RBFOX1: variants seen among roughly 807,000 people sequenced by gnomAD.
The protein encoded by RBFOX1 is RNA binding fox-1 homolog 1.
A neutral mutation model predicts 57.7 loss-of-function variants in RBFOX1; 8 were observed. The observed-to-expected ratio is 0.14, with a 90% CI of 0.08 to 0.25. The LOEUF is 0.25. RBFOX1 is among the 10% of genes least tolerant of loss of function. The pLI is 1.00. For synonymous variants in RBFOX1, 326 were observed against 222.4 expected, an observed-to-expected ratio of 1.47 and a Z score of -4.15; for missense variants, 611 against 548.5, an observed-to-expected ratio of 1.11 and a Z score of -1.14.
Position 7,179,335 on chromosome 16 carries a change from C to G in RBFOX1, c.27+127237C>G, listed in dbSNP as rs143984717. On this transcript the variant is annotated intron_variant, in intron 4 of 15. Coordinates refer to ENST00000550418, the MANE Select transcript of RBFOX1 (RefSeq NM_018723.4). ...TCAAACATTCTCAAAGCACCGCTTT[C>G]CCCTTACCCCTTACCTAAGAGAACA... Among the ~76,000 whole-genome samples, 926 of 152,072 alleles carry G rather than the reference C, an allele frequency of 6.1e-3. 10 individuals carry two copies. Among genetic ancestry groups the G allele is most frequent in the South Asian group, 0.028 (136 of 4,796 alleles).
intron 2 of RBFOX1, among the ~76,000 whole-genome samples, chr16:6,357,235 A>G (rs2087506320): frequency 6.6e-6 from 1 of 152,114 alleles, no homozygotes; most frequent in Admixed American, 6.5e-5. Context: ...CCTTCGTGCT[A>G]GAGTCTGGGT....
chr16:7,151,623 T>A (rs1459402484), intron 4 of RBFOX1, among the ~76,000 whole-genome samples: 2 of 152,180 alleles, frequency 1.3e-5, no homozygotes, highest in African/African-American at 4.8e-5. Flanking sequence ...CAGGATGATT[T>A]AAGTCCTTTA....
At chr16:5,340,344 G>T (rs1353285650) in intron 1 of RBFOX1, among the ~76,000 whole-genome samples, 3 of 152,136 alleles carry the variant, frequency 2.0e-5, no homozygotes, top group Non-Finnish European at 4.4e-5. Flanking sequence ...TTAGTATATT[G>T]GTGCCATAAT....
intron 1 of RBFOX1, among the ~76,000 whole-genome samples, chr16:6,125,783 C>G (rs1381471628): frequency 1.3e-5 from 2 of 152,120 alleles, no homozygotes; most frequent in African/African-American, 4.8e-5. Flanking sequence ...GATGTTCTCA[C>G]AGATCAGTGG....
At chr16:5,401,923 G>A (rs907477909) in intron 1 of RBFOX1, among the ~76,000 whole-genome samples, 2 of 151,984 alleles carry the variant, frequency 1.3e-5, no homozygotes, top group Admixed American at 6.6e-5. Flanking sequence ...CTGCTGTTGG[G>A]AATAGAATTC....
intron 1 of RBFOX1, among the ~76,000 whole-genome samples, chr16:6,119,014 GTT>G (rs35604110): frequency 7.0e-6 from 1 of 142,218 alleles, no homozygotes; most frequent in Non-Finnish European, 1.5e-5. Flanking sequence ...AATTCCTCAG[GTT>G]TTTTTTTTTT....
At chr16:7,034,074 C>T (rs571955761) in intron 3 of RBFOX1, among the ~76,000 whole-genome samples, 23 of 152,230 alleles carry the variant, frequency 1.5e-4, no homozygotes, top group African/African-American at 3.9e-4. Context: ...GATGGGGACG[C>T]GGTGGTGCAG....
chr16:7,441,861 G>C (rs2098770367), intron 4 of RBFOX1, among the ~76,000 whole-genome samples: 1 of 152,138 alleles, frequency 6.6e-6, no homozygotes, highest in Admixed American at 6.5e-5. Context: ...GCTGTCACAG[G>C]CATTTGCCTC....
intron 4 of RBFOX1, among the ~76,000 whole-genome samples, chr16:7,202,759 T>C (rs1184720896): frequency 2.6e-5 from 4 of 152,168 alleles, no homozygotes; most frequent in Non-Finnish European, 5.9e-5. Flanking sequence ...TGCCTGATGA[T>C]CTGAAGTGGG....
At chr16:7,516,298 A>G (rs971536362) in intron 4 of RBFOX1, among the ~76,000 whole-genome samples, 3 of 152,086 alleles carry the variant, frequency 2.0e-5, no homozygotes. Flanking sequence ...CGGACTCACT[A>G]GATAGATGTG....
At position 5,435,243 on chromosome 16, in the gene RBFOX1, A is replaced by G. The variant is rs543081650; in HGVS notation, c.220-31973A>G. Among the ~76,000 whole-genome samples the G allele has an allele frequency of 2.0e-5, 3 of 152,292 alleles. No homozygotes were observed. The South Asian group carries it at 6.2e-4, about 32-fold the overall frequency. ...GCTTCTCCATATGCGTCTATGAAGA[A>G]AAGGTTAAACTGATATGTGCAAACA... On this transcript the variant is annotated intron_variant, in intron 1 of 2. Transcript: ENST00000585867.
chr16:6,655,373 CAAAAAAAAAAAAAAAAAA>C (rs71406388), intron 3 of RBFOX1, among the ~76,000 whole-genome samples: 18 of 33,736 alleles, frequency 5.3e-4, no homozygotes, highest in Non-Finnish European at 6.2e-4. Context: ...GCCTCCGTTT[CAAAAAAAAAAAAAAAAAA>C]AAAAAAAAAA....
At chr16:6,756,583 A>G (rs1192769234) in intron 3 of RBFOX1, among the ~76,000 whole-genome samples, 10 of 152,222 alleles carry the variant, frequency 6.6e-5, no homozygotes, top group Admixed American at 6.5e-4. Flanking sequence ...CATATCCAGA[A>G]TATATGACAA....
intron 1 of RBFOX1, among the ~76,000 whole-genome samples, chr16:6,258,307 A>G (rs2097681176): frequency 6.6e-6 from 1 of 151,882 alleles, no homozygotes; most frequent in African/African-American, 2.4e-5. Context: ...TTGAAGCTAC[A>G]ATGACAGCAA....
chr16:6,711,713 A>C (rs1020825950), intron 3 of RBFOX1, among the ~76,000 whole-genome samples: 3 of 152,192 alleles, frequency 2.0e-5, no homozygotes, highest in Non-Finnish European at 4.4e-5. Flanking sequence ...TCTCTGTAGC[A>C]GTATGAGAAT....
intron 4 of RBFOX1, among the ~76,000 whole-genome samples, chr16:5,942,907 G>A (rs929240612): frequency 4.7e-4 from 72 of 152,278 alleles, no homozygotes; most frequent in Non-Finnish European, 9.1e-4. Flanking sequence ...TTGATTCTTG[G>A]GATATGCAAT....
At chr16:7,138,273 G>C (rs1459732748) in intron 4 of RBFOX1, among the ~76,000 whole-genome samples, 1 of 152,110 alleles carries the variant, frequency 6.6e-6, no homozygotes, top group African/African-American at 2.4e-5. Flanking sequence ...TATAAAGGGA[G>C]AAAAATAAGA....
chr16:7,466,535 G>A (rs948936859), intron 4 of RBFOX1, among the ~76,000 whole-genome samples: 1 of 152,122 alleles, frequency 6.6e-6, no homozygotes, highest in Non-Finnish European at 1.5e-5. Flanking sequence ...ACTCCACGAT[G>A]TCCTGCCTTC....
chr16:6,582,965 C>G (rs2097557906), intron 2 of RBFOX1, among the ~76,000 whole-genome samples: 1 of 151,408 alleles, frequency 6.6e-6, no homozygotes, highest in African/African-American at 2.4e-5. Context: ...TTCCTTGAAT[C>G]TATTAATTCT....
Sources: gnomAD v4.1 joint callset for allele counts (sites outside exome capture counted in the v4.1 genomes callset) on GRCh38, gnomAD v4.1.1 for gene constraint, MANE v1.5 for transcripts, NCBI Gene and HGNC (gene_info 2026-07-23, HGNC 2026-07-21) for gene names.